ADGRE3: variants seen among roughly 807,000 people sequenced by gnomAD.
The protein encoded by ADGRE3 is EGF-like module receptor 3.
In ADGRE3, 88 loss-of-function variants were observed where a neutral mutation model predicts 80.1. The ratio of observed to expected loss-of-function variants is 1.10; its 90% CI spans 0.93 to 1.31. The LOEUF (loss-of-function observed/expected upper bound fraction) is 1.31. ADGRE3 is among the 40% of genes most tolerant of loss of function. The pLI, the probability that ADGRE3 is intolerant of heterozygous loss-of-function variation, is 0.00. For missense variants in ADGRE3, 715 were observed against 776.5 expected, an observed-to-expected ratio of 0.92 and a Z score of 0.94; for synonymous variants, 281 against 294.8, an observed-to-expected ratio of 0.95 and a Z score of 0.48.
At chr19:14,636,625 G>A (rs1351082144) in intron 11 of ADGRE3, among the ~76,000 whole-genome samples, 2 of 151,982 alleles carry the variant, frequency 1.3e-5, no homozygotes, top group Non-Finnish European at 2.9e-5. Flanking sequence ...AAGACAAAAC[G>A]GGGAGAAATG....
the ADGRE3 span, among the ~76,000 whole-genome samples, chr19:14,608,670 GT>G: frequency 3.7e-3 from 474 of 129,112 alleles, 5 homozygotes; most frequent in Middle Eastern, 0.011. Flanking sequence ...GTCTCACTCT[GT>G]TGCCCAGGCT....
the ADGRE3 span, among the ~76,000 whole-genome samples, chr19:14,605,068 C>T: frequency 6.6e-6 from 1 of 151,970 alleles, no homozygotes; most frequent in Non-Finnish European, 1.5e-5. Flanking sequence ...CATGGTGGCT[C>T]ACGCCTGTAA....
intron 7 of ADGRE3, among the ~76,000 whole-genome samples, chr19:14,650,448 CTT>C (rs1382837159): frequency 2.0e-5 from 3 of 151,336 alleles, no homozygotes; most frequent in African/African-American, 7.3e-5. Context: ...CCATCTCTCT[CTT>C]TCCACATCTC....
chr19:14,652,361 G>A (rs1971631537), intron 6 of ADGRE3, among the ~76,000 whole-genome samples: 1 of 152,072 alleles, frequency 6.6e-6, no homozygotes, highest in Admixed American at 6.6e-5. Flanking sequence ...AAGACTGGCT[G>A]TGAGATGGAA....
At chr19:14,602,466 A>G in the ADGRE3 span, among the ~76,000 whole-genome samples, 1 of 151,722 alleles carries the variant, frequency 6.6e-6, no homozygotes, top group Non-Finnish European at 1.5e-5. Flanking sequence ...ATAATTTTTA[A>G]CATTTTTTGT....
At chr19:14,638,842 T>C (rs11668133) in intron 10 of ADGRE3, among the ~76,000 whole-genome samples, 41,583 of 152,012 alleles carry the variant, frequency 0.27, 6,499 homozygotes, top group South Asian at 0.49. Context: ...TCCTACTGTA[T>C]TGCGTGGTGA....
At chr19:14,606,933 G>T in the ADGRE3 span, 1 of 853,974 alleles carries the variant, frequency 1.2e-6, no homozygotes, top group Non-Finnish European at 1.6e-6. Context: ...GCACAGGGCA[G>T]GTCCTCACCC....
intron 5 of ADGRE3, among the ~76,000 whole-genome samples, chr19:14,657,803 A>T (rs1448160176): frequency 6.6e-6 from 1 of 151,196 alleles, no homozygotes; most frequent in Non-Finnish European, 1.5e-5. Flanking sequence ...TTGCTCTGTC[A>T]CCCAGGCTGG....
chr19:14,672,753 G>A (rs1268130351), intron 1 of ADGRE3, among the ~76,000 whole-genome samples: 2 of 152,114 alleles, frequency 1.3e-5, no homozygotes, highest in African/African-American at 4.8e-5. Context: ...GGGACTGCAG[G>A]TGTGTGCCAC....
At chr19:14,671,133 A>G (rs1287297516) in intron 1 of ADGRE3, among the ~76,000 whole-genome samples, 1 of 152,202 alleles carries the variant, frequency 6.6e-6, no homozygotes, top group Non-Finnish European at 1.5e-5. Context: ...AATGGCAGCA[A>G]TCTAAATCCT....
chr19:14,674,577 G>A (rs1325783250), intron 1 of ADGRE3, among the ~76,000 whole-genome samples, 169 bp downstream of exon 1: 1 of 151,978 alleles, frequency 6.6e-6, no homozygotes, highest in Non-Finnish European at 1.5e-5. Context: ...AGGGATATTC[G>A]AGAGCATACT....
At chr19:14,617,067 T>G (rs180768527), downstream of ADGRE3, among the ~76,000 whole-genome samples, 12 of 152,090 alleles carry the variant, frequency 7.9e-5, no homozygotes, top group African/African-American at 2.7e-4. Flanking sequence ...AGTGCTGGGA[T>G]TATAGGTGTG....
chr19:14,666,530 T>C (rs1386986591), intron 2 of ADGRE3, among the ~76,000 whole-genome samples: 5 of 152,014 alleles, frequency 3.3e-5, no homozygotes, highest in Admixed American at 2.6e-4. Flanking sequence ...ATGCACACCA[T>C]CACACCTGGA....
the ADGRE3 span, chr19:14,607,203 C>A: frequency 2.3e-6 from 1 of 427,284 alleles, no homozygotes; most frequent in Non-Finnish European, 3.7e-6. Flanking sequence ...GAGTCAGGAG[C>A]TGTTTCTTTT....
At chr19:14,625,211 C>G (rs2146801486) in intron 15 of ADGRE3, among the ~76,000 whole-genome samples, 1 of 152,230 alleles carries the variant, frequency 6.6e-6, no homozygotes, top group African/African-American at 2.4e-5. Flanking sequence ...AACTCCTGAC[C>G]TCAGGTGATG....
chr19:14,630,091 T>A lies in ADGRE3; in HGVS notation c.1760A>T (p.Asn587Ile). The A allele has an allele frequency of 6.2e-7, 1 of 1,612,454 alleles. No individual in the cohort carries two copies. Among genetic ancestry groups the A allele is most frequent in the South Asian group, 1.1e-5 (1 of 90,918 alleles). Residue 587 changes from asparagine to isoleucine, a missense_variant, in exon 14 of 16, where the codon AAC becomes ATC. Physicochemically the swap from Asn to Ile is moderately radical, Grantham distance 149 (BLOSUM62 -3). Transcript: ENST00000253673. ...GAAGATGAAGAAGCCTTGGAGGCTG[T>A]TGATGATGGTGAAGAGGTAGGCCAT... The part of the protein sequence containing the change: ...QVMAYLFTII[N>I]SLQGFFIFLV...
chr19:14,669,438 A>T (rs1364973796), intron 1 of ADGRE3, among the ~76,000 whole-genome samples: 1 of 152,172 alleles, frequency 6.6e-6, no homozygotes, highest in Non-Finnish European at 1.5e-5. Flanking sequence ...TATTGTGAAT[A>T]GTGCTGCCAT....
At chr19:14,665,354 C>T (rs567492636) in intron 2 of ADGRE3, among the ~76,000 whole-genome samples, 1 of 152,022 alleles carries the variant, frequency 6.6e-6, no homozygotes, top group East Asian at 1.9e-4. Context: ...TGAGCTACTG[C>T]GCCCAGCTGC....
downstream of ADGRE3, among the ~76,000 whole-genome samples, chr19:14,617,473 C>A (rs1006155384): frequency 1.3e-5 from 2 of 150,988 alleles, no homozygotes; most frequent in African/African-American, 4.9e-5. Flanking sequence ...TATTGACTCA[C>A]TGCAACCTCT....
Sources: gnomAD v4.1 joint callset for allele counts (sites outside exome capture counted in the v4.1 genomes callset) on GRCh38, gnomAD v4.1.1 for gene constraint, MANE v1.5 for transcripts, NCBI Gene and HGNC (gene_info 2026-07-23, HGNC 2026-07-21) for gene names.